SPECC1L: variants seen among roughly 807,000 people sequenced by gnomAD.
The protein encoded by SPECC1L is sperm antigen with calponin homology and coiled-coil domains 1 like.
Under a neutral mutation model 116.8 loss-of-function variants are expected in SPECC1L, and 40 were observed. The observed-to-expected ratio is 0.34, with a 90% CI of 0.27 to 0.45. SPECC1L has a LOEUF of 0.45. Ranked by LOEUF, SPECC1L falls within the 20% of genes least tolerant of loss-of-function variation. The pLI is 1.00. For synonymous variants in SPECC1L, 504 were observed against 500.6 expected (o/e 1.01, Z -0.09); for missense variants, 1,110 against 1,373.6 (o/e 0.81, Z 3.03).
At chr22:24,347,455 T>G (rs1426636153) in intron 11 of SPECC1L, among the ~76,000 whole-genome samples, 1 of 152,228 alleles carries the variant, frequency 6.6e-6, no homozygotes. Flanking sequence ...TGTATTATTG[T>G]CATCCTCATT....
chr22:24,347,398 A>AGT (rs1164920299), intron 11 of SPECC1L, among the ~76,000 whole-genome samples: 8 of 152,172 alleles, frequency 5.3e-5, no homozygotes, highest in African/African-American at 1.9e-4. Context: ...GGTAATAGAG[A>AGT]GTGTACACCA....
At chr22:24,337,873 C>G (rs2041092024) in intron 9 of SPECC1L, among the ~76,000 whole-genome samples, 1 of 152,132 alleles carries the variant, frequency 6.6e-6, no homozygotes, top group South Asian at 2.1e-4. Flanking sequence ...GATATGCCAA[C>G]AAGTGATTCC....
chr22:24,328,671 T>G (rs558068289), intron 6 of SPECC1L, among the ~76,000 whole-genome samples, 175 bp from the exon 7 acceptor site: 5 of 152,364 alleles, frequency 3.3e-5, no homozygotes, highest in African/African-American at 4.8e-5. Context: ...GAAAGTAATA[T>G]TTGTTATTAC....
At position 24,322,640 on chromosome 22, in the gene SPECC1L, G is replaced by A; in HGVS notation, c.1660G>A (p.Gly554Arg). Residue 554 changes from glycine to arginine, a missense_variant, in exon 5 of 17, where the codon GGA becomes AGA. This residue lies in a region of SPECC1L where 575 missense variants were observed against 682.4 expected (regional missense o/e 0.84). Coordinates refer to ENST00000314328, the MANE Select transcript of SPECC1L (RefSeq NM_015330.6). Reference protein sequence around the residue: ...MERIIESEQKGKAALAATLEE... With the variant: ...MERIIESEQKRKAALAATLEE... Reference sequence around the variant, plus strand: ...GCGAATTATTGAGTCTGAGCAGAAAGGAAAAGCAGCCTTGGCAGCCACGTT... The same window carrying A: ...GCGAATTATTGAGTCTGAGCAGAAAAGAAAAGCAGCCTTGGCAGCCACGTT... 6.2e-7 allele frequency: 1 copy of A among 1,613,894 alleles called. No individual in the cohort carries two copies. Among genetic ancestry groups the A allele is most frequent in the Non-Finnish European group, 8.5e-7 (1 of 1,179,958 alleles).
chr22:24,366,231 C>T lies in SPECC1L; in HGVS notation c.2984+599C>T, dbSNP rs143239176. Reference sequence around the variant, plus strand: ...TTTTTTTGAGATGGAGCCTCGCTGTCGCCCAGGTTGGAGTGCAGTGGCGCG... The same window carrying T: ...TTTTTTTGAGATGGAGCCTCGCTGTTGCCCAGGTTGGAGTGCAGTGGCGCG... On this transcript the variant is annotated intron_variant, in intron 13 of 16. Transcript: ENST00000314328. 8.6e-5 allele frequency among the ~76,000 whole-genome samples: 13 copies of T among 151,736 alleles called. 1 individual carries two copies. In the South Asian group the frequency reaches 2.7e-3, roughly 32 times the overall value.
At chr22:24,355,830 T>A (rs1045013152) in intron 11 of SPECC1L, among the ~76,000 whole-genome samples, 2 of 151,984 alleles carry the variant, frequency 1.3e-5, no homozygotes, top group South Asian at 2.1e-4. Context: ...CGTTCTGTTT[T>A]TTTTTTAATT....
At chr22:24,343,536 C>T (rs771107336) in intron 10 of SPECC1L, 2 of 438,350 alleles carry the variant, frequency 4.6e-6, no homozygotes, top group South Asian at 3.2e-5. Flanking sequence ...CCTTGGCTCA[C>T]TGCAACCTCT....
intron 4 of SPECC1L, among the ~76,000 whole-genome samples, chr22:24,320,230 C>G (rs62233117): frequency 6.6e-6 from 1 of 152,090 alleles, no homozygotes; most frequent in African/African-American, 2.4e-5. Flanking sequence ...GAGCCGAAAT[C>G]GCTCCACTGC....
intron 11 of SPECC1L, among the ~76,000 whole-genome samples, chr22:24,358,322 G>A (rs1320470508): frequency 6.6e-6 from 1 of 151,912 alleles, no homozygotes; most frequent in Non-Finnish European, 1.5e-5. Flanking sequence ...TGCCCAGGCT[G>A]GTCTTAAACT....
chr22:24,415,183 C>G lies in SPECC1L; in HGVS notation c.*560C>G, dbSNP rs955761006. The G allele has an allele frequency of 5.7e-6, 1 of 175,292 alleles. No homozygotes were observed. The highest frequency in any genetic ancestry group is 1.2e-5 in the Non-Finnish European group (1 of 80,276). 10.9% of individuals were successfully genotyped at this position (175,292 alleles called of 1,614,324 possible). A position where few individuals can be genotyped will look rare whatever the true frequency, so the allele number is the denominator to read the frequency against. ...GTCAGCTGCCCCACACCTGACGGGG[C>G]TGTCCCGGCCGACACAATCCAGGCG... On this transcript the variant is annotated 3_prime_UTR_variant, in exon 17 of 17. Transcript: ENST00000314328.
chr22:24,278,228 G>A (rs1805952960), intron 2 of SPECC1L, among the ~76,000 whole-genome samples: 1 of 152,104 alleles, frequency 6.6e-6, no homozygotes. Flanking sequence ...GGGCGTTGTG[G>A]CACACACCTG....
intron 2 of SPECC1L, among the ~76,000 whole-genome samples, chr22:24,288,615 C>CTTTTTTTTTTTTTTTTTTTTTTTTTT (rs756714389): frequency 3.2e-5 from 2 of 61,678 alleles, no homozygotes; most frequent in Non-Finnish European, 5.7e-5. Flanking sequence ...AAATTTTAAG[C>CTTTTTTTTTTTTTTTTTTTTTTTTTT]TTTTTTTTTT....
At chr22:24,288,414 C>T (rs1462143434) in intron 2 of SPECC1L, among the ~76,000 whole-genome samples, 5 of 151,916 alleles carry the variant, frequency 3.3e-5, no homozygotes, top group Admixed American at 3.3e-4. Context: ...ACAAAATTGT[C>T]CCCTACCCCT....
intron 5 of SPECC1L, 124 bp downstream of exon 5, chr22:24,323,042 T>C: frequency 7.0e-7 from 1 of 1,422,644 alleles, no homozygotes; most frequent in Non-Finnish European, 9.2e-7. Context: ...AAAACTGATA[T>C]TTTTAAAACT....
chr22:24,357,124 C>T (rs1569433392), intron 11 of SPECC1L, among the ~76,000 whole-genome samples: 1 of 152,120 alleles, frequency 6.6e-6, no homozygotes, highest in Non-Finnish European at 1.5e-5. Context: ...TGTCTAATTT[C>T]AGCAGAGAGA....
chr22:24,334,606 A>C, intron 9 of SPECC1L, 33 bp downstream of exon 9: 1 of 1,611,962 alleles, frequency 6.2e-7, no homozygotes, highest in Non-Finnish European at 8.5e-7. Context: ...TGCCTACTGC[A>C]TGCGGTTGTG....
At chr22:24,365,997 G>T (rs994577216) in intron 13 of SPECC1L, among the ~76,000 whole-genome samples, 1 of 151,936 alleles carries the variant, frequency 6.6e-6, no homozygotes, top group African/African-American at 2.4e-5. Context: ...AGGGTGGGGG[G>T]CATGATTGGC....
chr22:24,392,018 C>T (rs998328150), intron 14 of SPECC1L, among the ~76,000 whole-genome samples: 3 of 152,178 alleles, frequency 2.0e-5, no homozygotes, highest in Non-Finnish European at 4.4e-5. Context: ...GGAAGTCAGA[C>T]TTGAGACAGC....
intron 14 of SPECC1L, 114 bp downstream of exon 14, chr22:24,369,434 G>A: frequency 6.3e-6 from 5 of 791,066 alleles, no homozygotes; most frequent in South Asian, 5.7e-5. Flanking sequence ...TGGCATGGTG[G>A]ATCACACCTA....
Sources: gnomAD v4.1 joint callset for allele counts (sites outside exome capture counted in the v4.1 genomes callset) on GRCh38, gnomAD v4.1.1 for gene constraint, gnomAD v4.1.1 regional missense constraint, MANE v1.5 for transcripts, NCBI Gene and HGNC (gene_info 2026-07-23, HGNC 2026-07-21) for gene names.